Variants in IRAG1 observed in about 807,000 individuals in gnomAD.
IRAG1 encodes the protein inositol 1,4,5-triphosphate receptor associated 1.
IRAG1 carries 62 observed loss-of-function variants against 106.2 expected under a neutral mutation model. The observed-to-expected ratio is 0.58, with a 90% CI of 0.48 to 0.72. The LOEUF (loss-of-function observed/expected upper bound fraction) is 0.72. IRAG1 is among the 30% of genes least tolerant of loss of function. The pLI is 0.00. For missense variants in IRAG1, 1,064 were observed against 1,140.7 expected (o/e 0.93, Z 0.97); for synonymous variants, 462 against 443.9 (o/e 1.04, Z -0.51).
intron 18 of IRAG1, among the ~76,000 whole-genome samples, chr11:10,587,998 A>T (rs1852211113): frequency 6.6e-6 from 1 of 152,258 alleles, no homozygotes; most frequent in African/African-American, 2.4e-5. Context: ...AATTACTGTG[A>T]GGATTAACTG....
chr11:10,614,280 G>A (rs1855215701), intron 10 of IRAG1, among the ~76,000 whole-genome samples: 3 of 152,034 alleles, frequency 2.0e-5, no homozygotes, highest in Admixed American at 2.0e-4. Context: ...AATCATTTGT[G>A]GGTCTCTGTG....
chr11:10,650,551 G>A (rs1216005767), intron 2 of IRAG1, among the ~76,000 whole-genome samples: 1 of 152,202 alleles, frequency 6.6e-6, no homozygotes, highest in Non-Finnish European at 1.5e-5. Flanking sequence ...AGTCCAGGGC[G>A]AGGAAATAGG....
At chr11:10,676,093 A>G (rs924711055) in intron 1 of IRAG1, among the ~76,000 whole-genome samples, 1 of 152,198 alleles carries the variant, frequency 6.6e-6, no homozygotes, top group Non-Finnish European at 1.5e-5. Context: ...GATCTTTGTG[A>G]TCATGTCCTT....
In IRAG1 at chr11:10,580,490, TTCTACCTCTTCAGGTTCC is replaced by T; in HGVS notation, c.2442_2459del (p.Pro816_Glu821del). The T allele has an allele frequency of 6.2e-7, 1 of 1,613,946 alleles. No homozygotes were observed. The highest frequency in any genetic ancestry group is 1.7e-5 in the Admixed American group (1 of 59,994). ...GGCCCTTTTCCTCTTCCTCAGTTTC[TTCTACCTCTTCAGGTTCC>T]TCAGGACTCTCACTCTTCTGTTCTT... On this transcript the variant is annotated inframe_deletion, in exon 20 of 21. Transcript: ENST00000423302.
In IRAG1 at chr11:10,647,727, C is replaced by T. The variant is rs909038825; in HGVS notation, c.225+4298G>A. On this transcript the variant is annotated intron_variant, in intron 2 of 20. Coordinates refer to ENST00000423302, the MANE Select transcript of IRAG1 (RefSeq NM_130385.4). This position sits in a 1 kb window ranked among gnomAD's most constrained non-coding sequence, Gnocchi z 4.3. Reference sequence around the variant, plus strand: ...GTGGCTGCTGGTCACAGTCCAGGAACTCATCTAGGCCTAGGTAAGATTGCA... The same window carrying T: ...GTGGCTGCTGGTCACAGTCCAGGAATTCATCTAGGCCTAGGTAAGATTGCA... Among the ~76,000 whole-genome samples the T allele has an allele frequency of 2.6e-5, 4 of 152,162 alleles. No homozygotes were observed. Among genetic ancestry groups the T allele is most frequent in the African/African-American group, 4.8e-5 (2 of 41,440 alleles).
intron 1 of IRAG1, among the ~76,000 whole-genome samples, chr11:10,686,948 C>T (rs1387731893): frequency 3.3e-5 from 5 of 152,184 alleles, no homozygotes; most frequent in African/African-American, 9.7e-5. Context: ...AGATCACTTG[C>T]TCCCTGTCTG....
chr11:10,594,042 T>C (rs751869924), intron 16 of IRAG1, 104 bp downstream of exon 16: 12 of 1,091,004 alleles, frequency 1.1e-5, no homozygotes, highest in Non-Finnish European at 1.6e-5. Context: ...TGTTCAGAGA[T>C]TCTCTGGCAT....
In IRAG1 at chr11:10,647,975, G is replaced by A. The variant is rs998209477; in HGVS notation, c.225+4050C>T. Among the ~76,000 whole-genome samples, 1 of 152,170 alleles carries A rather than the reference G, an allele frequency of 6.6e-6. No individual in the cohort carries two copies. Among genetic ancestry groups the A allele is most frequent in the African/African-American group, 2.4e-5 (1 of 41,436 alleles). On this transcript the variant is annotated intron_variant, in intron 2 of 20. Transcript: ENST00000423302. This position sits in a 1 kb window ranked among gnomAD's most constrained non-coding sequence, Gnocchi z 4.3. The stretch of plus-strand genomic sequence containing the variant: ...AGGGCAGAACCGAGGGAGAGTCTTG[G>A]GGGAGGCAGATTCCAGCCTGACCAG...
chr11:10,654,509 T>TA (rs1441232361), intron 1 of IRAG1, among the ~76,000 whole-genome samples: 1 of 152,172 alleles, frequency 6.6e-6, no homozygotes, highest in African/African-American at 2.4e-5. Context: ...AGACCATCCA[T>TA]AGAGTCATTC....
intron 15 of IRAG1, 141 bp from the exon 16 acceptor site, chr11:10,594,336 TGA>T (rs1357534820): frequency 7.3e-6 from 5 of 685,026 alleles, no homozygotes; most frequent in Admixed American, 5.8e-5. Flanking sequence ...TTGGGGACAC[TGA>T]GTTTGGCACT....
intron 14 of IRAG1, 56 bp from the exon 15 acceptor site, chr11:10,601,115 C>T: frequency 1.9e-6 from 3 of 1,604,638 alleles, no homozygotes; most frequent in Non-Finnish European, 1.7e-6. Flanking sequence ...GCTCCGTTGG[C>T]ACTTATTTGC....
intron 13 of IRAG1, among the ~76,000 whole-genome samples, chr11:10,603,541 C>G (rs1056982418): frequency 6.6e-6 from 1 of 152,120 alleles, no homozygotes; most frequent in African/African-American, 2.4e-5. Context: ...AGGTCATGCT[C>G]TCAGGCAGCT....
chr11:10,607,445 C>T (rs373527838), intron 11 of IRAG1, among the ~76,000 whole-genome samples: 4 of 152,248 alleles, frequency 2.6e-5, no homozygotes, highest in East Asian at 1.9e-4. Flanking sequence ...AGCAGCTCCT[C>T]GTCTGTGGCG....
At chr11:10,607,662 A>T (rs1016591484) in intron 11 of IRAG1, among the ~76,000 whole-genome samples, 5 of 60,604 alleles carry the variant, frequency 8.3e-5, no homozygotes, top group Non-Finnish European at 2.0e-4. Flanking sequence ...GCAACAGAGC[A>T]TGCCATCAAT....
chr11:10,607,343 G>A (rs984894077), intron 11 of IRAG1, among the ~76,000 whole-genome samples: 2 of 152,182 alleles, frequency 1.3e-5, no homozygotes, highest in Non-Finnish European at 2.9e-5. Flanking sequence ...GTAGGAGAGA[G>A]TGACCAGGGT....
chr11:10,633,820 A>G (rs1452709660), intron 3 of IRAG1, 148 bp downstream of exon 3: 1 of 499,920 alleles, frequency 2.0e-6, no homozygotes, highest in East Asian at 3.3e-5. Flanking sequence ...TCCTATTTCT[A>G]TCTTGTATTT....
chr11:10,593,520 G>A lies in IRAG1; in HGVS notation c.2147C>T (p.Ser716Leu). The A allele has an allele frequency of 6.2e-7, 1 of 1,613,784 alleles. No individual in the cohort carries two copies. The highest frequency in any genetic ancestry group is 1.3e-5 in the African/African-American group (1 of 75,040). The change falls in exon 17 of 21, where the codon TCA (serine) becomes TTA (leucine). Residue 716 changes from serine (S) to leucine (L), a missense_variant. Transcript: ENST00000423302. ...ALNLPGQTPS[S>L]SSIPSLPALS... ...GGCTGGTAAGGAGGGAATGGATGAT[G>A]AGCTGGGAGTTTGGCCAGGCAGATT...
intron 2 of IRAG1, among the ~76,000 whole-genome samples, chr11:10,648,505 G>A (rs1276758341): frequency 6.6e-6 from 1 of 152,206 alleles, no homozygotes; most frequent in African/African-American, 2.4e-5. Context: ...AGAGAGCTTT[G>A]CCTGCCTGGG....
In IRAG1 at chr11:10,594,177, G is replaced by T. The variant is rs376079865; in HGVS notation, c.2036C>A (p.Thr679Lys). ...CAGCGTGAGGGACATGGACCGTGCC[G>T]TGCGAGGGACCCCATCTTCTGCAGC... ...CGPSEDGVPR[T>K]ARSMSLTLGK... The change falls in exon 16 of 21, where the codon ACG (threonine) becomes AAG (lysine). Residue 679 changes from threonine (T) to lysine (K), a missense_variant. Transcript: ENST00000423302. The T allele has an allele frequency of 3.1e-5, 50 of 1,610,272 alleles. No homozygotes were observed. Among genetic ancestry groups the T allele is most frequent in the Non-Finnish European group, 3.8e-5 (45 of 1,178,474 alleles).
Sources: gnomAD v4.1 joint callset for allele counts (sites outside exome capture counted in the v4.1 genomes callset) on GRCh38, gnomAD v4.1.1 for gene constraint, Gnocchi (gnomAD v3.1) non-coding constraint, MANE v1.5 for transcripts, NCBI Gene and HGNC (gene_info 2026-07-23, HGNC 2026-07-21) for gene names.